Variants in NTRK3 observed in about 807,000 individuals in gnomAD.
The protein encoded by NTRK3 is NT-3 growth factor receptor.
NTRK3 carries 24 observed loss-of-function variants against 91.7 expected under a neutral mutation model. The ratio of observed to expected loss-of-function variants is 0.26; its 90% confidence interval spans 0.19 to 0.37. The LOEUF (loss-of-function observed/expected upper bound fraction) is 0.37. Ranked by LOEUF, NTRK3 falls within the 10% of genes least tolerant of loss-of-function variation. The probability of loss-of-function intolerance (pLI) is 1.00; values close to 1 mark genes in which losing one functional copy is unlikely to be tolerated. For missense variants in NTRK3, 880 were observed against 1,068.9 expected (o/e 0.82, Z 2.46); for synonymous variants, 483 against 404.0 (o/e 1.20, Z -2.34).
chr15:87,969,154 T>C (rs1222569625), intron 14 of NTRK3, among the ~76,000 whole-genome samples: 1 of 152,142 alleles, frequency 6.6e-6, no homozygotes, highest in East Asian at 1.9e-4. Flanking sequence ...GAGATGAAAT[T>C]CACCTTCCCA....
Position 88,032,764 on chromosome 15 carries a change from T to A in NTRK3, c.1585+93A>T. The A allele has an allele frequency of 2.1e-6, 3 of 1,396,072 alleles. No homozygotes were observed. In the South Asian group the frequency reaches 3.6e-5, roughly 17 times the overall value. 86.5% of individuals were successfully genotyped at this position (1,396,072 alleles called of 1,614,324 possible). On this transcript the variant is annotated intron_variant, in intron 14 of 18. Transcript: ENST00000394480. ...AAGTGGGAGGTTGGCAGGTAGCAGG[T>A]CACCCTAGAAGGTTCCAGAACCCCA...
At chr15:88,142,404 A>G (rs1421722420) in intron 6 of NTRK3, among the ~76,000 whole-genome samples, 2 of 152,260 alleles carry the variant, frequency 1.3e-5, no homozygotes, top group African/African-American at 4.8e-5. Context: ...ATGGCTCCCC[A>G]CATATTAACT....
exon 19 of NTRK3, chr15:87,860,105 T>C (rs1472028579): frequency 4.6e-6 from 1 of 215,234 alleles, no homozygotes; most frequent in African/African-American, 2.3e-5. Context: ...GAATGGTTGA[T>C]TTGTATTAGT....
chr15:88,215,625 G>C (rs2049701502), intron 3 of NTRK3, among the ~76,000 whole-genome samples: 2 of 152,204 alleles, frequency 1.3e-5, no homozygotes. Flanking sequence ...TCCAGAAATA[G>C]AGGGTCTAAT....
chr15:88,056,359 G>A (rs563148359), intron 13 of NTRK3, among the ~76,000 whole-genome samples: 13 of 151,866 alleles, frequency 8.6e-5, no homozygotes, highest in Middle Eastern at 3.2e-3. Context: ...CAGGGCATAG[G>A]TTGGAGATGA....
intron 3 of NTRK3, among the ~76,000 whole-genome samples, chr15:88,208,013 T>C (rs2048939389): frequency 6.6e-6 from 1 of 152,020 alleles, no homozygotes; most frequent in South Asian, 2.1e-4. Flanking sequence ...CAAGTAAGGC[T>C]ACTTGGTTTG....
chr15:87,942,329 A>C (rs949218242), intron 14 of NTRK3, among the ~76,000 whole-genome samples: 1 of 152,248 alleles, frequency 6.6e-6, no homozygotes, highest in African/African-American at 2.4e-5. Context: ...CCCAGTCTTT[A>C]CAGGGAGGGG....
At chr15:87,999,811 AAGAG>A (rs1369437270) in intron 14 of NTRK3, among the ~76,000 whole-genome samples, 2 of 152,202 alleles carry the variant, frequency 1.3e-5, no homozygotes, top group Non-Finnish European at 2.9e-5. Flanking sequence ...ATTCTTATCA[AAGAG>A]GGAGGGAGGA....
At chr15:87,976,290 G>A (rs1055923184) in intron 14 of NTRK3, among the ~76,000 whole-genome samples, 31 of 152,200 alleles carry the variant, frequency 2.0e-4, no homozygotes, top group African/African-American at 7.2e-4. Context: ...GCTTCCATTT[G>A]GCATAAGGGG....
At chr15:87,904,308 G>A (rs1474548499) in intron 17 of NTRK3, among the ~76,000 whole-genome samples, 7 of 152,112 alleles carry the variant, frequency 4.6e-5, no homozygotes, top group South Asian at 2.1e-4. Context: ...ATGCCACCAC[G>A]CCCGGCTAAT....
At chr15:88,120,153 C>T (rs1416474350) in intron 13 of NTRK3, among the ~76,000 whole-genome samples, 2 of 152,180 alleles carry the variant, frequency 1.3e-5, no homozygotes, top group East Asian at 3.9e-4. Context: ...TCTAATCATT[C>T]CCTTAGACAA....
intron 13 of NTRK3, among the ~76,000 whole-genome samples, chr15:88,096,032 T>C (rs2049558607): frequency 6.6e-6 from 1 of 152,188 alleles, no homozygotes; most frequent in African/African-American, 2.4e-5. Flanking sequence ...TTTCTTCTAT[T>C]GTGTGTAGTA....
chr15:87,989,733 A>G (rs1183130279), intron 14 of NTRK3, among the ~76,000 whole-genome samples: 1 of 152,250 alleles, frequency 6.6e-6, no homozygotes, highest in Non-Finnish European at 1.5e-5. Flanking sequence ...CAGCCACTTA[A>G]GTAGCTGGGA....
At chr15:88,017,273 TG>T (rs1030405414) in intron 14 of NTRK3, among the ~76,000 whole-genome samples, 37 of 152,270 alleles carry the variant, frequency 2.4e-4, no homozygotes, top group Admixed American at 1.9e-3. Context: ...GAAGCATGGA[TG>T]TTAGAAGCTC....
At chr15:88,073,639 A>G (rs1438385470) in intron 13 of NTRK3, among the ~76,000 whole-genome samples, 1 of 152,146 alleles carries the variant, frequency 6.6e-6, no homozygotes, top group East Asian at 1.9e-4. Context: ...AAAATAATGG[A>G]GATTCTATAA....
chr15:87,947,805 C>T (rs141524285), intron 14 of NTRK3, among the ~76,000 whole-genome samples: 10 of 152,310 alleles, frequency 6.6e-5, no homozygotes, highest in Non-Finnish European at 1.3e-4. Context: ...CAGAAGAAAA[C>T]ATTAATTCAA....
intron 18 of NTRK3, among the ~76,000 whole-genome samples, chr15:87,880,057 T>C (rs1458785069): frequency 6.6e-6 from 1 of 152,232 alleles, no homozygotes; most frequent in Non-Finnish European, 1.5e-5. Context: ...AATTTAGACC[T>C]CTGATTTCAT....
At chr15:88,039,117 CAA>C (rs2079350353) in intron 13 of NTRK3, among the ~76,000 whole-genome samples, 3 of 106,212 alleles carry the variant, frequency 2.8e-5, no homozygotes, top group Non-Finnish European at 5.8e-5. Flanking sequence ...ATTGAGCCCT[CAA>C]CACACACACA....
At chr15:88,191,967 C>G (rs2047437449) in intron 3 of NTRK3, among the ~76,000 whole-genome samples, 1 of 152,198 alleles carries the variant, frequency 6.6e-6, no homozygotes, top group Admixed American at 6.5e-5. Flanking sequence ...GTGACCCCAG[C>G]ATGCCAGCAC....
Sources: gnomAD v4.1 joint callset for allele counts (sites outside exome capture counted in the v4.1 genomes callset) on GRCh38, gnomAD v4.1.1 for gene constraint, MANE v1.5 for transcripts, NCBI Gene and HGNC (gene_info 2026-07-23, HGNC 2026-07-21) for gene names.